The following MID1 variants were observed in gnomAD, a reference collection of about 807,000 sequenced individuals.
MID1 encodes E3 ubiquitin-protein ligase Midline-1.
Under a neutral mutation model 40.4 loss-of-function variants are expected in MID1, and 7 were observed. The ratio of observed to expected loss-of-function variants is 0.17; its 90% CI spans 0.10 to 0.33. MID1 has a LOEUF of 0.33. Among genes scored for constraint, MID1 ranks in the 10% least tolerant of loss-of-function variants. The probability of loss-of-function intolerance (pLI) is 1.00; values close to 1 mark genes in which losing one functional copy is unlikely to be tolerated. For synonymous variants in MID1, 229 were observed against 221.2 expected, an observed-to-expected ratio of 1.04 and a Z score of -0.31; for missense variants, 367 against 558.5, an observed-to-expected ratio of 0.66 and a Z score of 3.46.
At chrX:10,611,723 C>G (rs1211064115) in intron 1 of MID1, among the ~76,000 whole-genome samples, 1 of 111,309 alleles carries the variant, frequency 9.0e-6, no homozygotes, top group African/African-American at 3.3e-5. Flanking sequence ...CTTTATCATG[C>G]AGAAGTCTCA....
chrX:10,455,172 A>G lies in MID1; in HGVS notation c.1448-95T>C, dbSNP rs769847456. On this transcript the variant is annotated intron_variant, in intron 8 of 9. Coordinates refer to ENST00000317552, the MANE Select transcript of MID1 (RefSeq NM_000381.4). Reference sequence around the variant, plus strand: ...ATATTTTCAAAATCAGGTTTAAAAGACAGGAACAAGCCAGCCCTCCCTGAG... The same window carrying G: ...ATATTTTCAAAATCAGGTTTAAAAGGCAGGAACAAGCCAGCCCTCCCTGAG... 5.1e-6 allele frequency: 4 copies of G among 784,408 alleles called. No individual in the cohort carries two copies. The South Asian group carries it at 6.5e-5, about 13-fold the overall frequency. The allele number at this position is 784,408 out of a possible 1,213,427, so 64.6% of individuals were successfully genotyped here.
intron 1 of MID1, among the ~76,000 whole-genome samples, chrX:10,726,241 A>G (rs1182463360): frequency 2.7e-5 from 3 of 112,311 alleles, no homozygotes; most frequent in Admixed American, 9.5e-5. Flanking sequence ...ATTCTTTACA[A>G]ATTGATAAAT....
intron 1 of MID1, among the ~76,000 whole-genome samples, chrX:10,635,849 T>C (rs1936103749): frequency 8.9e-6 from 1 of 112,231 alleles, no homozygotes; most frequent in Non-Finnish European, 1.9e-5. Flanking sequence ...GGCTGGTCAT[T>C]GTCTGTCACA....
chrX:10,756,127 A>G (rs1266124804), intron 1 of MID1, among the ~76,000 whole-genome samples: 1 of 112,205 alleles, frequency 8.9e-6, no homozygotes, highest in Non-Finnish European at 1.9e-5. Context: ...ATGCACACAT[A>G]CAGCTTCATA....
chrX:10,688,895 T>C (rs957661184), intron 1 of MID1, among the ~76,000 whole-genome samples: 7 of 111,342 alleles, frequency 6.3e-5, no homozygotes, highest in Non-Finnish European at 1.3e-4. Context: ...ATACCTATCC[T>C]CTGGCTTTTT....
intron 1 of MID1, among the ~76,000 whole-genome samples, chrX:10,758,468 TCTTTC>T (rs1184569126): frequency 9.6e-6 from 1 of 103,923 alleles, no homozygotes. Flanking sequence ...CAGTACTTTT[TCTTTC>T]TTTTCTTTCC....
chrX:10,746,335 C>T (rs1488685985), intron 1 of MID1, among the ~76,000 whole-genome samples: 2 of 112,011 alleles, frequency 1.8e-5, no homozygotes, highest in Non-Finnish European at 1.9e-5. Context: ...GCCACACCCA[C>T]TACCAATTTT....
intron 1 of MID1, among the ~76,000 whole-genome samples, chrX:10,762,927 T>C (rs1019521896): frequency 2.7e-5 from 3 of 112,025 alleles, no homozygotes; most frequent in Non-Finnish European, 5.6e-5. Context: ...GACGTTTACT[T>C]TCCTTTATGT....
At chrX:10,784,689 G>T (rs1164062197) in intron 1 of MID1, among the ~76,000 whole-genome samples, 1 of 109,932 alleles carries the variant, frequency 9.1e-6, no homozygotes, top group African/African-American at 3.3e-5. Flanking sequence ...CTGGTAATCC[G>T]CCTGCCTCGG....
chrX:10,747,791 T>A (rs1222164811), intron 1 of MID1, among the ~76,000 whole-genome samples: 1 of 112,268 alleles, frequency 8.9e-6, no homozygotes, highest in African/African-American at 3.2e-5. Flanking sequence ...TACGTGTTCC[T>A]TCTTTCCAAC....
At chrX:10,480,260 T>C (rs1205918817) in intron 5 of MID1, among the ~76,000 whole-genome samples, 1 of 112,165 alleles carries the variant, frequency 8.9e-6, no homozygotes, top group African/African-American at 3.2e-5. Flanking sequence ...TAGAGAGAGC[T>C]GAATGGGAGC....
At position 10,445,592 on chromosome X, in the gene MID1, A is replaced by G. The variant is rs1239422933; in HGVS notation, c.*3776T>C. ...CAAAAATGATTTTATTTTGAACCAG[A>G]AAGGAACAGCAATCAAGACAATAGT... is the stretch of plus-strand genomic sequence containing the variant. On this transcript the variant is annotated 3_prime_UTR_variant, in exon 10 of 10. Transcript: ENST00000317552. The G allele has an allele frequency of 8.9e-6, 1 of 111,914 alleles. No individual in the cohort carries two copies. The highest frequency in any genetic ancestry group is 1.9e-5 in the Non-Finnish European group (1 of 53,213). The allele number at this position is 111,914 out of a possible 1,213,427, so 9.2% of individuals were successfully genotyped here. A position where few individuals can be genotyped will look rare whatever the true frequency, so the allele number is the denominator to read the frequency against.
intron 7 of MID1, chrX:10,469,247 T>A: frequency 1.6e-6 from 1 of 622,799 alleles, no homozygotes; most frequent in African/African-American, 2.4e-5. Context: ...AATTTTTGTA[T>A]TTTTTTTGTA....
intron 1 of MID1, among the ~76,000 whole-genome samples, chrX:10,590,689 G>C (rs778852396): frequency 3.6e-5 from 4 of 112,251 alleles, no homozygotes; most frequent in Non-Finnish European, 7.5e-5. Flanking sequence ...ATATTCTCAA[G>C]GCAGGCTAAA....
chrX:10,526,993 T>C (rs1003120455), intron 2 of MID1, among the ~76,000 whole-genome samples: 4 of 111,544 alleles, frequency 3.6e-5, no homozygotes, highest in African/African-American at 9.8e-5. Flanking sequence ...GGGACTTCTC[T>C]GAAGATTTTC....
At chrX:10,481,535 G>A (rs2147297551) in intron 5 of MID1, among the ~76,000 whole-genome samples, 1 of 112,026 alleles carries the variant, frequency 8.9e-6, no homozygotes, top group Admixed American at 9.4e-5. Flanking sequence ...CGCCTCCCAG[G>A]TTCAAGCAAT....
chrX:10,642,629 T>C (rs1350069135), intron 1 of MID1, among the ~76,000 whole-genome samples: 3 of 110,328 alleles, frequency 2.7e-5, no homozygotes, highest in East Asian at 2.8e-4. Context: ...CATCAAGCTA[T>C]CAATGACTTT....
chrX:10,674,758 C>T, intron 1 of MID1, among the ~76,000 whole-genome samples: 1 of 112,005 alleles, frequency 8.9e-6, no homozygotes, highest in Non-Finnish European at 1.9e-5. Flanking sequence ...AATTGACTGC[C>T]AGCATTCCGT....
chrX:10,509,879 C>T (rs1463311398), intron 3 of MID1, among the ~76,000 whole-genome samples: 3 of 112,109 alleles, frequency 2.7e-5, no homozygotes, highest in Non-Finnish European at 5.6e-5. Context: ...CTAAACGCAG[C>T]ATACTAGGAA....
Sources: gnomAD v4.1 joint callset for allele counts (sites outside exome capture counted in the v4.1 genomes callset) on GRCh38, gnomAD v4.1.1 for gene constraint, MANE v1.5 for transcripts, NCBI Gene and HGNC (gene_info 2026-07-23, HGNC 2026-07-21) for gene names.